Variants in OSBPL1A observed in about 807,000 individuals in gnomAD.
The protein encoded by OSBPL1A is oxysterol-binding protein-related protein 1.
In OSBPL1A, 80 loss-of-function variants were observed where a neutral mutation model predicts 137.1. The observed-to-expected ratio is 0.58, with a 90% CI of 0.49 to 0.70. The LOEUF (loss-of-function observed/expected upper bound fraction) is 0.70. Ranked by LOEUF, OSBPL1A falls within the 30% of genes least tolerant of loss-of-function variation. The pLI, the probability that OSBPL1A is intolerant of heterozygous loss-of-function variation, is 0.00. For missense variants in OSBPL1A, 970 were observed against 1,129.4 expected (o/e 0.86, Z 2.02); for synonymous variants, 365 against 389.7 (o/e 0.94, Z 0.75).
chr18:24,210,373 G>A (rs1019894051), intron 17 of OSBPL1A, among the ~76,000 whole-genome samples: 3 of 152,066 alleles, frequency 2.0e-5, no homozygotes, highest in South Asian at 2.1e-4. Flanking sequence ...TGCCAAAATC[G>A]TGAGTAGTGA....
chr18:24,366,494 C>T lies in OSBPL1A; in HGVS notation c.282+398G>A, dbSNP rs115172684. Reference sequence around the variant, plus strand: ...CCTGAAGCCACCTAGGGGTTGCCAGCCATCTTTTTGTACATCTTTAGTGTA... The same window carrying T: ...CCTGAAGCCACCTAGGGGTTGCCAGTCATCTTTTTGTACATCTTTAGTGTA... On this transcript the variant is annotated intron_variant, in intron 4 of 27. Transcript: ENST00000319481. The T allele has an allele frequency of 9.2e-3, 1,425 of 154,084 alleles. 26 individuals are homozygous for T. Among genetic ancestry groups the T allele is most frequent in the African/African-American group, 0.033 (1,367 of 41,556 alleles). 9.5% of individuals were successfully genotyped at this position (154,084 alleles called of 1,614,324 possible).
chr18:24,199,742 T>G (rs1249075174), intron 17 of OSBPL1A, among the ~76,000 whole-genome samples: 1 of 152,154 alleles, frequency 6.6e-6, no homozygotes, highest in Non-Finnish European at 1.5e-5. Context: ...AAGACCTGTG[T>G]CACAATGAAT....
chr18:24,343,406 G>A (rs745441747), intron 4 of OSBPL1A, among the ~76,000 whole-genome samples: 5 of 152,110 alleles, frequency 3.3e-5, no homozygotes, highest in Non-Finnish European at 5.9e-5. Context: ...ACTACCCAAA[G>A]CTATCTACAG....
intron 17 of OSBPL1A, among the ~76,000 whole-genome samples, chr18:24,215,615 C>T (rs2087675181): frequency 1.3e-5 from 2 of 152,264 alleles, no homozygotes; most frequent in South Asian, 4.1e-4. Flanking sequence ...GGCCAAAGAA[C>T]TCCGTGTCCC....
chr18:24,377,312 AGAGATT>A, intron 2 of OSBPL1A, 95 bp downstream of exon 2: 3 of 1,341,432 alleles, frequency 2.2e-6, no homozygotes, highest in Non-Finnish European at 3.0e-6. Context: ...CATGAGAGAT[AGAGATT>A]AATTACATGA....
Position 24,391,861 on chromosome 18 carries a change from G to A in OSBPL1A, c.-3+5794C>T, listed in dbSNP as rs1907383563. On this transcript the variant is annotated intron_variant, in intron 1 of 27. Coordinates refer to ENST00000319481, the MANE Select transcript of OSBPL1A (RefSeq NM_080597.4). Reference sequence around the variant, plus strand: ...CTGGCACAATTGCCAAATGGCATTTGTACTTTTTCTTTTTTTTTGAGACAG... The same window carrying A: ...CTGGCACAATTGCCAAATGGCATTTATACTTTTTCTTTTTTTTTGAGACAG... 2.0e-5 allele frequency among the ~76,000 whole-genome samples: 3 copies of A among 152,128 alleles called. No homozygotes were observed. The South Asian group carries it at 6.2e-4, about 31-fold the overall frequency.
At chr18:24,354,748 C>CAAAAAAAAAAGA (rs2091501906) in intron 4 of OSBPL1A, among the ~76,000 whole-genome samples, 1 of 77,074 alleles carries the variant, frequency 1.3e-5, no homozygotes, top group Non-Finnish European at 2.5e-5. Flanking sequence ...CTCAATATAG[C>CAAAAAAAAAAGA]AAAAAAAAAA....
At chr18:24,341,268 A>C (rs1322710783) in intron 5 of OSBPL1A, among the ~76,000 whole-genome samples, 1 of 152,196 alleles carries the variant, frequency 6.6e-6, no homozygotes, top group Non-Finnish European at 1.5e-5. Flanking sequence ...CAGCCTCCTA[A>C]AATGCTAGGG....
chr18:24,375,827 G>GA lies in OSBPL1A; in HGVS notation c.121+1585dup, dbSNP rs1177299298. Among the ~76,000 whole-genome samples the GA allele has an allele frequency of 4.6e-5, 7 of 151,658 alleles. No homozygotes were observed. The East Asian group carries it at 5.8e-4, about 13-fold the overall frequency. On this transcript the variant is annotated intron_variant, in intron 2 of 27. Transcript: ENST00000319481. ...GGGTCAACTGCAATGTCTTCAAGAA[G>GA]AAAAAAAAATTATCATAGTGTATCT...
At chr18:24,343,742 G>A (rs1297291429) in intron 4 of OSBPL1A, among the ~76,000 whole-genome samples, 3 of 152,122 alleles carry the variant, frequency 2.0e-5, no homozygotes, top group Non-Finnish European at 2.9e-5. Flanking sequence ...TCAAAAAATG[G>A]TATGGGGAAA....
chr18:24,279,719 A>G (rs543120155), intron 15 of OSBPL1A, among the ~76,000 whole-genome samples: 1 of 152,344 alleles, frequency 6.6e-6, no homozygotes, highest in South Asian at 2.1e-4. Flanking sequence ...GGGGAAAAAC[A>G]GCAAAACAAG....
Position 24,377,418 on chromosome 18 carries a change from C to A in OSBPL1A, c.116G>T (p.Cys39Phe). 6.2e-7 allele frequency: 1 copy of A among 1,605,666 alleles called. No homozygotes were observed. The stretch of plus-strand genomic sequence containing the variant: ...AAAATCCATTCAAAGTTTACCTTTG[C>A]AATTAATGTCAGCAATCACTTCATT... ...ARNEVIADIN[C>F]KGRSKSNLGW... Residue 39 changes from cysteine (C) to phenylalanine (F), a missense_variant, in exon 2 of 28, where the codon TGC becomes TTC. Transcript: ENST00000319481.
intron 15 of OSBPL1A, among the ~76,000 whole-genome samples, chr18:24,243,814 C>A (rs9304458): frequency 0.44 from 66,357 of 151,990 alleles, 15,323 homozygotes; most frequent in African/African-American, 0.57. Flanking sequence ...AAGATACCTT[C>A]TTATAAAATA....
At chr18:24,381,832 G>C (rs1906607333) in intron 1 of OSBPL1A, among the ~76,000 whole-genome samples, 1 of 151,436 alleles carries the variant, frequency 6.6e-6, no homozygotes, top group Non-Finnish European at 1.5e-5. Flanking sequence ...GTGGTGGTGG[G>C]CGCCTGTAAA....
Position 24,162,664 on chromosome 18 carries a change from G to C in OSBPL1A, c.*515C>G, listed in dbSNP as rs1008453955. 3.3e-5 allele frequency: 5 copies of C among 152,138 alleles called. No homozygotes were observed. The highest frequency in any genetic ancestry group is 1.2e-4 in the African/African-American group (5 of 41,392). The allele number at this position is 152,138 out of a possible 1,614,324, so 9.4% of individuals were successfully genotyped here. On this transcript the variant is annotated 3_prime_UTR_variant, in exon 28 of 28. Transcript: ENST00000319481. The stretch of plus-strand genomic sequence containing the variant: ...AAGATGGAAGGGGTAACATTGGGAG[G>C]ATTAGTATGAATAAAAGCCATCTTA...
intron 17 of OSBPL1A, among the ~76,000 whole-genome samples, chr18:24,212,965 C>T (rs976058366): frequency 6.6e-6 from 1 of 152,144 alleles, no homozygotes; most frequent in Non-Finnish European, 1.5e-5. Flanking sequence ...TTATAATGTA[C>T]CCTGTACCTA....
intron 1 of OSBPL1A, among the ~76,000 whole-genome samples, chr18:24,386,390 A>G (rs1406661400): frequency 6.6e-6 from 1 of 152,192 alleles, no homozygotes; most frequent in African/African-American, 2.4e-5. Flanking sequence ...TTAATACTAC[A>G]TATTCCAAGC....
At chr18:24,312,929 G>C (rs1222080344) in intron 12 of OSBPL1A, among the ~76,000 whole-genome samples, 1 of 148,230 alleles carries the variant, frequency 6.7e-6, no homozygotes, top group Non-Finnish European at 1.5e-5. Context: ...TTCGAGACCA[G>C]CCTGGCCAAC....
intron 15 of OSBPL1A, among the ~76,000 whole-genome samples, chr18:24,253,096 G>A (rs1421382099): frequency 3.0e-5 from 4 of 134,800 alleles, no homozygotes; most frequent in Admixed American, 8.3e-5. Context: ...GTAACAAAAC[G>A]ACAGGAGTCC....
Sources: allele counts gnomAD v4.1 joint callset (sites outside exome capture counted in the v4.1 genomes callset), GRCh38; gene constraint gnomAD v4.1.1; transcripts MANE v1.5; gene names NCBI Gene and HGNC (gene_info 2026-07-23, HGNC 2026-07-21).